UNC5D: variants seen among roughly 807,000 people sequenced by gnomAD.
UNC5D encodes netrin receptor UNC5D.
UNC5D carries 39 observed loss-of-function variants against 105.4 expected under a neutral mutation model. That is an observed-to-expected ratio of 0.37 (90% confidence interval 0.29 to 0.48). The LOEUF is 0.48. UNC5D is among the 20% of genes least tolerant of loss of function. UNC5D has a pLI of 0.98. For synonymous variants in UNC5D, 452 were observed against 450.4 expected (o/e 1.00, Z -0.04); for missense variants, 991 against 1,202.4 (o/e 0.82, Z 2.60).
At chr8:35,561,951 TG>T (rs1816998185) in intron 2 of UNC5D, among the ~76,000 whole-genome samples, 1 of 152,202 alleles carries the variant, frequency 6.6e-6, no homozygotes, top group Non-Finnish European at 1.5e-5. Flanking sequence ...GTCACTGTAC[TG>T]AACTGTCAAA....
At position 35,395,869 on chromosome 8, in the gene UNC5D, C is replaced by T. The variant is rs1011023499; in HGVS notation, c.104-153423C>T. Among the ~76,000 whole-genome samples, 4 of 152,102 alleles carry T rather than the reference C, an allele frequency of 2.6e-5. 1 individual carries two copies. The highest frequency in any genetic ancestry group is 1.3e-4 in the Admixed American group (2 of 15,264). ...GGCCCATAGCTGCAGGATTCAAACT[C>T]GATTCTTCAGCACAGGATAGAGCTG... is the stretch of plus-strand genomic sequence containing the variant. On this transcript the variant is annotated intron_variant, in intron 1 of 16. Transcript: ENST00000404895.
intron 1 of UNC5D, among the ~76,000 whole-genome samples, chr8:35,236,343 C>G (rs1288157051): frequency 5.4e-5 from 7 of 128,444 alleles, no homozygotes; most frequent in African/African-American, 2.1e-4. Context: ...GAGAGGGTGT[C>G]TTTTCCCTTA....
intron 1 of UNC5D, among the ~76,000 whole-genome samples, chr8:35,475,699 G>T (rs1383574799): frequency 6.6e-6 from 1 of 152,102 alleles, no homozygotes; most frequent in African/African-American, 2.4e-5. Flanking sequence ...AAAGGGGTGG[G>T]GACAAATTGG....
At chr8:35,505,331 G>A (rs1263898470) in intron 1 of UNC5D, among the ~76,000 whole-genome samples, 2 of 152,250 alleles carry the variant, frequency 1.3e-5, no homozygotes, top group Admixed American at 1.3e-4. Flanking sequence ...TTACTTTGGA[G>A]ATACGAAAAA....
At chr8:35,544,548 C>T (rs1215756215) in intron 1 of UNC5D, 1 of 1,472,278 alleles carries the variant, frequency 6.8e-7, no homozygotes, top group Non-Finnish European at 9.2e-7. Context: ...AAGGCAGGAA[C>T]AAACAGGAAA....
chr8:35,596,364 C>T (rs1819492769), intron 4 of UNC5D, among the ~76,000 whole-genome samples: 1 of 152,032 alleles, frequency 6.6e-6, no homozygotes, highest in Non-Finnish European at 1.5e-5. Context: ...AAAGATGACC[C>T]CTGATAGACT....
At chr8:35,334,926 C>T (rs1326164178) in intron 1 of UNC5D, among the ~76,000 whole-genome samples, 2 of 152,200 alleles carry the variant, frequency 1.3e-5, no homozygotes, top group African/African-American at 4.8e-5. Context: ...CCAGAACTTT[C>T]CTCAAACCCC....
chr8:35,245,374 A>G (rs1366847396), intron 1 of UNC5D, among the ~76,000 whole-genome samples: 2 of 152,128 alleles, frequency 1.3e-5, no homozygotes, highest in Non-Finnish European at 2.9e-5. Context: ...GAACTGGGAA[A>G]AGAAAGAATC....
chr8:35,641,806 A>G (rs1407230161), intron 4 of UNC5D, among the ~76,000 whole-genome samples: 3 of 152,078 alleles, frequency 2.0e-5, no homozygotes, highest in Non-Finnish European at 4.4e-5. Flanking sequence ...ATTTATTTCA[A>G]ACTCCAGGTT....
Position 35,750,692 on chromosome 8 carries a change from A to G in UNC5D, c.2046A>G (p.Pro682=), listed in dbSNP as rs1830235878. 1 of 1,614,162 alleles carries G rather than the reference A, an allele frequency of 6.2e-7. No homozygotes were observed. Among genetic ancestry groups the G allele is most frequent in the African/African-American group, 1.3e-5 (1 of 75,048 alleles). The change falls in exon 13 of 17, where the codon CCA becomes CCG. Residue 682 remains proline (P), a synonymous_variant. Coordinates refer to ENST00000404895, the MANE Select transcript of UNC5D (RefSeq NM_080872.4). ...GGACCTATGCGCTCACTGGAGAGCC[A>G]ATCACAGACTGTGCCGTGAAGCAAC... ...SFGTYALTGE[P]ITDCAVKQLK...
At chr8:35,626,747 T>C (rs1417152759) in intron 4 of UNC5D, among the ~76,000 whole-genome samples, 1 of 152,240 alleles carries the variant, frequency 6.6e-6, no homozygotes, top group Non-Finnish European at 1.5e-5. Context: ...TGTCTTTGTA[T>C]GAGTTCAAAC....
chr8:35,686,099 T>G (rs1825989224), intron 6 of UNC5D, among the ~76,000 whole-genome samples: 1 of 152,104 alleles, frequency 6.6e-6, no homozygotes, highest in Non-Finnish European at 1.5e-5. Context: ...GGGTTTAACT[T>G]TATATTGTTT....
At chr8:35,656,382 G>A (rs1050914055) in intron 4 of UNC5D, among the ~76,000 whole-genome samples, 51 of 152,294 alleles carry the variant, frequency 3.3e-4, no homozygotes, top group African/African-American at 1.2e-3. Flanking sequence ...GGTATATCAG[G>A]TTTTTCTGAG....
chr8:35,279,769 C>T (rs972310946), intron 1 of UNC5D, among the ~76,000 whole-genome samples: 1 of 152,194 alleles, frequency 6.6e-6, no homozygotes, highest in African/African-American at 2.4e-5. Flanking sequence ...GAGGCTCAGA[C>T]TGCAGTTGCT....
At chr8:35,399,389 A>C (rs748795269) in intron 1 of UNC5D, among the ~76,000 whole-genome samples, 1 of 152,270 alleles carries the variant, frequency 6.6e-6, no homozygotes, top group African/African-American at 2.4e-5. Context: ...TACAAGTTGT[A>C]GGTAGAATTA....
chr8:35,609,217 T>C (rs1820523435), intron 4 of UNC5D, among the ~76,000 whole-genome samples: 1 of 152,210 alleles, frequency 6.6e-6, no homozygotes, highest in Non-Finnish European at 1.5e-5. Context: ...TTTTGAAACA[T>C]GTATATTCAT....
chr8:35,308,725 T>G (rs1472951876), intron 1 of UNC5D, among the ~76,000 whole-genome samples: 1 of 152,176 alleles, frequency 6.6e-6, no homozygotes, highest in Non-Finnish European at 1.5e-5. Flanking sequence ...TGTGAATCAA[T>G]AATGATTATT....
intron 1 of UNC5D, among the ~76,000 whole-genome samples, chr8:35,373,110 C>T (rs572898173): frequency 3.3e-5 from 5 of 152,288 alleles, no homozygotes; most frequent in African/African-American, 1.2e-4. Context: ...TGAAGGGTAT[C>T]CTTTTCACGT....
At chr8:35,320,781 T>C (rs1316076075) in intron 1 of UNC5D, among the ~76,000 whole-genome samples, 2 of 152,116 alleles carry the variant, frequency 1.3e-5, no homozygotes, top group African/African-American at 4.8e-5. Flanking sequence ...AATCATGGCC[T>C]GAATTAGGTT....
Sources: allele counts gnomAD v4.1 joint callset (sites outside exome capture counted in the v4.1 genomes callset), GRCh38; gene constraint gnomAD v4.1.1; transcripts MANE v1.5; gene names NCBI Gene and HGNC (gene_info 2026-07-23, HGNC 2026-07-21).